ATRNL1: variants seen among roughly 807,000 people sequenced by gnomAD.
ATRNL1 encodes the protein attractin like 1.
A neutral mutation model predicts 182.7 loss-of-function variants in ATRNL1; 95 were observed. The observed-to-expected ratio is 0.52, with a 90% CI of 0.44 to 0.62. The LOEUF is 0.62. Among genes scored for constraint, ATRNL1 ranks in the 20% least tolerant of loss-of-function variants. The probability of loss-of-function intolerance (pLI) is 0.00; values close to 1 mark genes in which losing one functional copy is unlikely to be tolerated. For missense variants in ATRNL1, 1,471 were observed against 1,679.5 expected (o/e 0.88, Z 2.17); for synonymous variants, 576 against 568.3 (o/e 1.01, Z -0.19).
At chr10:115,197,511 T>C (rs1443423684) in intron 8 of ATRNL1, among the ~76,000 whole-genome samples, 1 of 152,154 alleles carries the variant, frequency 6.6e-6, no homozygotes, top group Non-Finnish European at 1.5e-5. Context: ...TTTAATTATG[T>C]ATGTATTTTC....
chr10:115,124,236 C>A (rs1844865899), intron 3 of ATRNL1, among the ~76,000 whole-genome samples: 1 of 152,082 alleles, frequency 6.6e-6, no homozygotes, highest in Non-Finnish European at 1.5e-5. Context: ...CTACTCTGAC[C>A]ATCTGGCTAC....
chr10:115,152,284 G>A (rs1846273514), intron 5 of ATRNL1, among the ~76,000 whole-genome samples: 2 of 152,146 alleles, frequency 1.3e-5, no homozygotes, highest in Non-Finnish European at 2.9e-5. Flanking sequence ...GGATGGCATT[G>A]AATCTATAAA....
At chr10:115,928,178 C>T (rs539344117) in intron 28 of ATRNL1, among the ~76,000 whole-genome samples, 14 of 152,094 alleles carry the variant, frequency 9.2e-5, no homozygotes, top group African/African-American at 3.4e-4. Context: ...TATCTTACAT[C>T]TATCTTTGTG....
At chr10:115,340,693 T>G (rs1353704575) in intron 19 of ATRNL1, among the ~76,000 whole-genome samples, 2 of 151,864 alleles carry the variant, frequency 1.3e-5, no homozygotes, top group Admixed American at 6.6e-5. Context: ...TTATTATACC[T>G]TCAATAACAT....
intron 8 of ATRNL1, among the ~76,000 whole-genome samples, chr10:115,203,139 C>T (rs1311072633): frequency 2.0e-5 from 3 of 152,090 alleles, no homozygotes; most frequent in African/African-American, 7.2e-5. Flanking sequence ...TATACAGCTA[C>T]TTTGTTATTA....
At chr10:115,128,445 ATAT>A (rs1316130074) in intron 4 of ATRNL1, 1 of 809,230 alleles carries the variant, frequency 1.2e-6, no homozygotes, top group Admixed American at 6.2e-5. Context: ...TTCACCAGAA[ATAT>A]TATAAATATC....
At chr10:115,799,087 A>G (rs1488396354) in intron 27 of ATRNL1, among the ~76,000 whole-genome samples, 1 of 151,986 alleles carries the variant, frequency 6.6e-6, no homozygotes, top group Non-Finnish European at 1.5e-5. Context: ...AGCCTTCCAA[A>G]GTACTGGGAT....
chr10:115,444,743 G>T (rs1256333775), intron 21 of ATRNL1, among the ~76,000 whole-genome samples: 1 of 151,472 alleles, frequency 6.6e-6, no homozygotes, highest in African/African-American at 2.4e-5. Flanking sequence ...GAGGTGGATA[G>T]AGCAAGATAT....
chr10:115,405,899 A>G (rs1554958142), intron 20 of ATRNL1, among the ~76,000 whole-genome samples: 4 of 129,772 alleles, frequency 3.1e-5, no homozygotes, highest in African/African-American at 1.2e-4. Context: ...GTGTCCATGT[A>G]TTCTCATTGT....
chr10:115,181,031 T>C (rs1359797011), intron 8 of ATRNL1, among the ~76,000 whole-genome samples: 2 of 151,746 alleles, frequency 1.3e-5, no homozygotes, highest in Admixed American at 6.6e-5. Context: ...ACAAAAACAA[T>C]TGGTGGAGTT....
chr10:115,308,140 A>G (rs1343732924), intron 17 of ATRNL1, among the ~76,000 whole-genome samples: 3 of 152,108 alleles, frequency 2.0e-5, no homozygotes, highest in Admixed American at 6.5e-5. Context: ...ATTCTCCAGT[A>G]TTTTTCAGTC....
rs571448568 is a variant in ATRNL1, at chr10:115,677,795, A to G, written c.3796-49453A>G. Among the ~76,000 whole-genome samples, 11 of 152,100 alleles carry G rather than the reference A, an allele frequency of 7.2e-5. No homozygotes were observed. In the East Asian group the frequency reaches 1.2e-3, roughly 16 times the overall value. ...GAGAGAATAGGGAGGGGGCTTACCT[A>G]TCTAGGTGATGTTCCTCGGCAGCAC... On this transcript the variant is annotated intron_variant, in intron 26 of 28. Coordinates refer to ENST00000355044, the MANE Select transcript of ATRNL1 (RefSeq NM_207303.4).
rs147736054 is a variant in ATRNL1 at position 115,408,748 on chromosome 10, AG to A, written c.3269+13999del. 3.9e-3 allele frequency among the ~76,000 whole-genome samples: 595 copies of A among 151,650 alleles called. 4 individuals are homozygous for A. The highest frequency in any genetic ancestry group is 0.013 in the African/African-American group (542 of 41,384). On this transcript the variant is annotated intron_variant, in intron 20 of 28. Transcript: ENST00000355044. ...TCCATTTTTCCGTTGTTTTTTGTAT[AG>A]GGCAAGAGGTGAGGGGTCTAGTTTA...
Position 115,531,697 on chromosome 10 carries a change from C to A in ATRNL1, c.3716+12373C>A, listed in dbSNP as rs1851594566. Among the ~76,000 whole-genome samples, 6 of 151,108 alleles carry A rather than the reference C, an allele frequency of 4.0e-5. No individual in the cohort carries two copies. The South Asian group carries it at 1.3e-3, about 32-fold the overall frequency. On this transcript the variant is annotated intron_variant, in intron 25 of 28. Coordinates refer to ENST00000355044, the MANE Select transcript of ATRNL1 (RefSeq NM_207303.4). ...CTTTTGGTGTTTTAGACATGAAGTC[C>A]TTGCCCATGCCTATGTCCTGAATGG...
At chr10:115,864,980 TAAA>T (rs76771298) in intron 28 of ATRNL1, among the ~76,000 whole-genome samples, 3 of 110,968 alleles carry the variant, frequency 2.7e-5, no homozygotes, top group Admixed American at 1.0e-4. Context: ...AGACTCCGTC[TAAA>T]AAAAAAAAAA....
chr10:115,497,896 T>G (rs908523789), intron 24 of ATRNL1, among the ~76,000 whole-genome samples: 1 of 151,836 alleles, frequency 6.6e-6, no homozygotes, highest in African/African-American at 2.4e-5. Flanking sequence ...GACCTCATGA[T>G]CCACCCGCCT....
At chr10:115,114,586 A>G (rs1554869260) in intron 1 of ATRNL1, among the ~76,000 whole-genome samples, 2 of 152,218 alleles carry the variant, frequency 1.3e-5, no homozygotes, top group African/African-American at 4.8e-5. Context: ...AAATAATCTG[A>G]ATAGACATTT....
intron 8 of ATRNL1, among the ~76,000 whole-genome samples, chr10:115,203,086 A>T (rs1289619451): frequency 6.6e-6 from 1 of 152,134 alleles, no homozygotes; most frequent in African/African-American, 2.4e-5. Context: ...GGAATAAGAG[A>T]ATAGCTTGGT....
chr10:115,104,686 T>C (rs1380741504), intron 1 of ATRNL1, among the ~76,000 whole-genome samples: 4 of 152,160 alleles, frequency 2.6e-5, no homozygotes, highest in African/African-American at 9.7e-5. Context: ...GTCTTAGATT[T>C]CTAAGTCTTT....
Sources: allele counts gnomAD v4.1 joint callset (sites outside exome capture counted in the v4.1 genomes callset), GRCh38; gene constraint gnomAD v4.1.1; transcripts MANE v1.5; gene names NCBI Gene and HGNC (gene_info 2026-07-23, HGNC 2026-07-21).